The following GABRA3 variants were observed in gnomAD, a reference collection of about 807,000 sequenced individuals.
GABRA3 encodes the protein gamma-aminobutyric acid type A receptor subunit alpha3.
A neutral mutation model predicts 30.1 loss-of-function variants in GABRA3; 10 were observed. The ratio of observed to expected loss-of-function variants is 0.33; its 90% CI spans 0.20 to 0.56. The LOEUF (loss-of-function observed/expected upper bound fraction) is 0.56. Among genes scored for constraint, GABRA3 ranks in the 20% least tolerant of loss-of-function variants. The pLI, the probability that GABRA3 is intolerant of heterozygous loss-of-function variation, is 0.89. For synonymous variants in GABRA3, 151 were observed against 146.8 expected, an observed-to-expected ratio of 1.03 and a Z score of -0.21; for missense variants, 233 against 392.0, an observed-to-expected ratio of 0.59 and a Z score of 3.42.
intron 9 of GABRA3, among the ~76,000 whole-genome samples, chrX:152,179,495 A>ATT (rs199606296): frequency 2.0e-4 from 19 of 97,223 alleles, no homozygotes; most frequent in African/African-American, 3.8e-4. Context: ...TGTGAGTTCA[A>ATT]TTTTTTTTTT....
chrX:152,308,835 C>G (rs1221872778), intron 3 of GABRA3, among the ~76,000 whole-genome samples: 1 of 112,087 alleles, frequency 8.9e-6, no homozygotes, highest in Non-Finnish European at 1.9e-5. Flanking sequence ...ATTCAGCATG[C>G]AGGTCATCAA....
intron 3 of GABRA3, among the ~76,000 whole-genome samples, chrX:152,326,579 C>A (rs1324237454): frequency 9.0e-6 from 1 of 111,589 alleles, no homozygotes; most frequent in African/African-American, 3.3e-5. Flanking sequence ...AATTTTCAAC[C>A]CAGAATTTCA....
chrX:152,275,894 T>A (rs971040695), intron 4 of GABRA3, among the ~76,000 whole-genome samples: 6 of 109,973 alleles, frequency 5.5e-5, no homozygotes, highest in Non-Finnish European at 1.1e-4. Context: ...CACATACAAA[T>A]ACTAATAATA....
rs1248702708 is a variant in GABRA3 at position 152,339,230 on chromosome X, A to AT, written c.262+6350dup. 2.4e-3 allele frequency among the ~76,000 whole-genome samples: 244 copies of AT among 102,327 alleles called. 1 individual carries two copies. Among genetic ancestry groups the AT allele is most frequent in the Middle Eastern group, 5.1e-3 (1 of 198 alleles). 88.9% of individuals were successfully genotyped at this position (102,327 alleles called of 115,157 possible). On this transcript the variant is annotated intron_variant, in intron 3 of 9. Transcript: ENST00000370314. ...GGAAAGAACACCCTATTATGTTGTA[A>AT]TTTTTTTTTTTTTTTAAGACGGAGT...
chrX:152,215,332 TC>T (rs1240616260), intron 6 of GABRA3, among the ~76,000 whole-genome samples: 1 of 110,752 alleles, frequency 9.0e-6, no homozygotes, highest in Admixed American at 9.6e-5. Flanking sequence ...TGAGGTACAT[TC>T]TTTTTCTATA....
At chrX:152,213,408 T>C (rs1211194568) in intron 6 of GABRA3, among the ~76,000 whole-genome samples, 1 of 111,013 alleles carries the variant, frequency 9.0e-6, no homozygotes, top group Non-Finnish European at 1.9e-5. Context: ...AACAGAGTGA[T>C]GCATGCTATG....
intron 5 of GABRA3, chrX:152,251,159 C>T (rs1456379139): frequency 3.1e-6 from 1 of 327,080 alleles, no homozygotes; most frequent in Non-Finnish European, 6.1e-6. Flanking sequence ...TTCTGTGCTT[C>T]TGTACTTCCT....
chrX:152,415,464 C>T (rs1009894321), intron 1 of GABRA3, among the ~76,000 whole-genome samples: 1 of 110,797 alleles, frequency 9.0e-6, no homozygotes, highest in East Asian at 2.8e-4. Flanking sequence ...GAGACAGGGA[C>T]GGATACTACT....
chrX:152,210,756 T>C (rs1937621996), intron 6 of GABRA3, among the ~76,000 whole-genome samples: 1 of 112,182 alleles, frequency 8.9e-6, no homozygotes, highest in African/African-American at 3.2e-5. Flanking sequence ...CTAGAGACTT[T>C]CTCCTATAGA....
At chrX:152,424,247 C>T (rs1454079997) in intron 1 of GABRA3, among the ~76,000 whole-genome samples, 1 of 110,322 alleles carries the variant, frequency 9.1e-6, no homozygotes, top group East Asian at 2.9e-4. Flanking sequence ...ATCTCCCTTT[C>T]CAACAGCCCC....
chrX:152,330,135 A>G (rs1189918820), intron 3 of GABRA3, among the ~76,000 whole-genome samples: 1 of 112,233 alleles, frequency 8.9e-6, no homozygotes, highest in Admixed American at 9.5e-5. Context: ...AATGCAAATC[A>G]AAACCACAAT....
At chrX:152,253,597 A>T (rs2096579334) in intron 5 of GABRA3, among the ~76,000 whole-genome samples, 2 of 111,880 alleles carry the variant, frequency 1.8e-5, no homozygotes, top group African/African-American at 6.5e-5. Context: ...ATTGTTCTGA[A>T]TTAGAACACC....
intron 1 of GABRA3, among the ~76,000 whole-genome samples, chrX:152,371,531 C>T (rs1928840943): frequency 9.0e-6 from 1 of 110,959 alleles, no homozygotes; most frequent in African/African-American, 3.3e-5. Flanking sequence ...CAGTTTGTCC[C>T]TCTATACTGG....
chrX:152,405,834 T>G (rs1427816671), intron 1 of GABRA3, among the ~76,000 whole-genome samples: 1 of 110,843 alleles, frequency 9.0e-6, no homozygotes, highest in Non-Finnish European at 1.9e-5. Flanking sequence ...AGGCAATAGA[T>G]TCCATGGCCC....
intron 4 of GABRA3, among the ~76,000 whole-genome samples, chrX:152,267,131 A>G (rs1450616873): frequency 8.9e-6 from 1 of 112,256 alleles, no homozygotes; most frequent in Non-Finnish European, 1.9e-5. Context: ...TGTTTAACAC[A>G]ATGTTAACTG....
chrX:152,270,580 T>G (rs12840846), intron 4 of GABRA3, among the ~76,000 whole-genome samples: 3 of 110,572 alleles, frequency 2.7e-5, no homozygotes, highest in African/African-American at 9.8e-5. Flanking sequence ...AAAGGCCAAG[T>G]GCAGTGGCTC....
intron 1 of GABRA3, chrX:152,393,632 G>A: frequency 8.2e-6 from 2 of 243,083 alleles, no homozygotes; most frequent in Non-Finnish European, 1.6e-5. Flanking sequence ...ACTTATTTAG[G>A]CAAACAGCAT....
At chrX:152,328,073 C>A (rs959892630) in intron 3 of GABRA3, among the ~76,000 whole-genome samples, 2 of 111,451 alleles carry the variant, frequency 1.8e-5, no homozygotes, top group African/African-American at 6.5e-5. Flanking sequence ...CTATAAACAC[C>A]TACACAAATA....
At chrX:152,189,651 A>T in intron 9 of GABRA3, 79 bp downstream of exon 9, 1 of 697,249 alleles carries the variant, frequency 1.4e-6, no homozygotes. Flanking sequence ...CAGTTCTTGC[A>T]GGCTATAGGC....
Sources: gnomAD v4.1 joint callset for allele counts (sites outside exome capture counted in the v4.1 genomes callset) on GRCh38, gnomAD v4.1.1 for gene constraint, MANE v1.5 for transcripts, NCBI Gene and HGNC (gene_info 2026-07-23, HGNC 2026-07-21) for gene names.